SLC13A1: variants seen among roughly 807,000 people sequenced by gnomAD.
SLC13A1 encodes solute carrier family 13 member 1.
A neutral mutation model predicts 70.0 loss-of-function variants in SLC13A1; 65 were observed. The ratio of observed to expected loss-of-function variants is 0.93; its 90% CI spans 0.76 to 1.14. SLC13A1 has a LOEUF of 1.14. Among genes scored for constraint, SLC13A1 ranks in the 50% most tolerant of loss-of-function variants. The probability of loss-of-function intolerance (pLI) is 0.00; values close to 1 mark genes in which losing one functional copy is unlikely to be tolerated. For missense variants in SLC13A1, 726 were observed against 717.8 expected, an observed-to-expected ratio of 1.01 and a Z score of -0.13; for synonymous variants, 275 against 250.5, an observed-to-expected ratio of 1.10 and a Z score of -0.92.
At chr7:123,117,048 G>T (rs887376815) in intron 14 of SLC13A1, among the ~76,000 whole-genome samples, 1 of 152,166 alleles carries the variant, frequency 6.6e-6, no homozygotes, top group Non-Finnish European at 1.5e-5. Context: ...CTGACTCAGT[G>T]TCTCATTCAG....
intron 6 of SLC13A1, among the ~76,000 whole-genome samples, chr7:123,152,423 T>C (rs977744470): frequency 9.2e-5 from 14 of 152,056 alleles, no homozygotes; most frequent in African/African-American, 3.1e-4. Flanking sequence ...TTTTAAGGAA[T>C]CTCTATATTG....
chr7:123,155,191 T>C (rs1389885739), intron 6 of SLC13A1, among the ~76,000 whole-genome samples: 1 of 152,140 alleles, frequency 6.6e-6, no homozygotes, highest in African/African-American at 2.4e-5. Flanking sequence ...TACTCTTCCA[T>C]TGTAGAAACT....
At chr7:123,189,719 A>G (rs1795936187) in intron 1 of SLC13A1, among the ~76,000 whole-genome samples, 2 of 152,044 alleles carry the variant, frequency 1.3e-5, no homozygotes, top group Admixed American at 1.3e-4. Flanking sequence ...AGAAAGGTCT[A>G]TTATATATTT....
chr7:123,187,780 T>G (rs1795857372), intron 1 of SLC13A1, among the ~76,000 whole-genome samples: 1 of 152,252 alleles, frequency 6.6e-6, no homozygotes, highest in Admixed American at 6.5e-5. Context: ...ATAGATGTAG[T>G]ATTTCTTTTT....
intron 1 of SLC13A1, among the ~76,000 whole-genome samples, chr7:123,181,911 T>C (rs544402648): frequency 6.6e-6 from 1 of 152,248 alleles, no homozygotes; most frequent in South Asian, 2.1e-4. Flanking sequence ...AAAACTGCTG[T>C]TTAGGTTGAA....
At chr7:123,158,819 C>A (rs1236143809) in intron 6 of SLC13A1, among the ~76,000 whole-genome samples, 1 of 151,794 alleles carries the variant, frequency 6.6e-6, no homozygotes, top group Non-Finnish European at 1.5e-5. Context: ...AAAATAATAA[C>A]CTATCTAGCA....
chr7:123,147,967 G>A (rs1794421125), intron 6 of SLC13A1, among the ~76,000 whole-genome samples: 1 of 151,060 alleles, frequency 6.6e-6, no homozygotes, highest in Admixed American at 6.6e-5. Flanking sequence ...CTTTAAGAAG[G>A]GTTTCCCCAT....
chr7:123,129,562 T>C (rs13243580), intron 8 of SLC13A1, 81 bp from the exon 9 acceptor site: 283,475 of 1,018,432 alleles, frequency 0.28, 42,241 homozygotes, highest in East Asian at 0.39. Context: ...TGTAAAACGT[T>C]GTCATCTTCA....
intron 8 of SLC13A1, among the ~76,000 whole-genome samples, chr7:123,132,839 T>C (rs1317916015): frequency 1.3e-5 from 2 of 152,218 alleles, no homozygotes; most frequent in Non-Finnish European, 2.9e-5. Context: ...TATTGTTAAA[T>C]GAGTAGAATT....
At chr7:123,147,089 AG>A in intron 7 of SLC13A1, 69 bp downstream of exon 7, 1 of 1,463,136 alleles carries the variant, frequency 6.8e-7, no homozygotes, top group Non-Finnish European at 9.3e-7. Flanking sequence ...TCTCTGAATC[AG>A]GTAAGAATAA....
At chr7:123,151,386 G>A (rs7457250) in intron 6 of SLC13A1, among the ~76,000 whole-genome samples, 51 of 145,886 alleles carry the variant, frequency 3.5e-4, no homozygotes, top group Admixed American at 9.7e-4. Flanking sequence ...GTGTGTGTGT[G>A]TATATATATA....
Position 123,171,773 on chromosome 7 carries a change from A to C in SLC13A1, c.360T>G (p.Pro120=). 1 of 1,613,856 alleles carries C rather than the reference A, an allele frequency of 6.2e-7. No homozygotes were observed. Among genetic ancestry groups the C allele is most frequent in the Non-Finnish European group, 8.5e-7 (1 of 1,179,902 alleles). ...LKMVMMVGVN[P]AWLTLGFMSS... ...GCAGTAAATGCAGTACTTACCATGC[A>C]GGATTTACACCAACCATCATCACCA... is the stretch of plus-strand genomic sequence containing the variant. Residue 120 remains proline (P), a synonymous_variant, in exon 3 of 15, where the codon CCT becomes CCG. Transcript: ENST00000194130.
At chr7:123,132,085 G>T (rs1274805331) in intron 8 of SLC13A1, among the ~76,000 whole-genome samples, 2 of 152,150 alleles carry the variant, frequency 1.3e-5, no homozygotes, top group Non-Finnish European at 2.9e-5. Flanking sequence ...CCTGAAAGGG[G>T]CACTTAGTAT....
At chr7:123,191,609 A>C (rs944709946) in intron 1 of SLC13A1, among the ~76,000 whole-genome samples, 2 of 152,220 alleles carry the variant, frequency 1.3e-5, no homozygotes, top group African/African-American at 4.8e-5. Flanking sequence ...TTTGCCAAGT[A>C]GACAGATAAA....
Position 123,134,523 on chromosome 7 carries a change from A to G in SLC13A1, c.819T>C (p.Tyr273=). ...LIFAEYFNTR[Y]PDCRCLNFGS... is the part of the protein sequence containing the mutation. ...CAAAGTTGAGGCAACGACAGTCAGG[A>G]TAGCGTCTGTGTGAAAACATGGAGA... is the stretch of plus-strand genomic sequence containing the variant. Residue 273 remains tyrosine, a synonymous_variant, in exon 8 of 15, where the codon TAT becomes TAC. Transcript: ENST00000194130. 3 of 1,613,142 alleles carry G rather than the reference A, an allele frequency of 1.9e-6. No individual in the cohort carries two copies. The highest frequency in any genetic ancestry group is 2.5e-6 in the Non-Finnish European group (3 of 1,179,422).
chr7:123,199,689 G>T (rs1395509254), intron 1 of SLC13A1, among the ~76,000 whole-genome samples, 159 bp downstream of exon 1: 1 of 152,020 alleles, frequency 6.6e-6, no homozygotes, highest in Non-Finnish European at 1.5e-5. Flanking sequence ...TAAAAAGGGA[G>T]AAAATGGCCA....
intron 8 of SLC13A1, among the ~76,000 whole-genome samples, chr7:123,131,940 A>G (rs192815839): frequency 3.6e-4 from 55 of 152,248 alleles, no homozygotes; most frequent in East Asian, 1.9e-3. Context: ...AATAATGACA[A>G]TGGTTGCATA....
intron 1 of SLC13A1, among the ~76,000 whole-genome samples, chr7:123,188,118 C>T (rs577843213): frequency 1.3e-5 from 2 of 152,138 alleles, no homozygotes; most frequent in Non-Finnish European, 2.9e-5. Context: ...GAATAATGGG[C>T]GCAGTTTCCC....
intron 6 of SLC13A1, among the ~76,000 whole-genome samples, chr7:123,152,420 G>A (rs76699959): frequency 0.012 from 1,812 of 152,024 alleles, 36 homozygotes; most frequent in African/African-American, 0.041. Flanking sequence ...ATTTTTTAAG[G>A]AATCTCTATA....
Sources: gnomAD v4.1 joint callset for allele counts (sites outside exome capture counted in the v4.1 genomes callset) on GRCh38, gnomAD v4.1.1 for gene constraint, MANE v1.5 for transcripts, NCBI Gene and HGNC (gene_info 2026-07-23, HGNC 2026-07-21) for gene names.